Variants in IBTK observed in about 807,000 individuals in gnomAD.
The protein encoded by IBTK is BTK-binding protein.
Under a neutral mutation model 154.9 loss-of-function variants are expected in IBTK, and 83 were observed. The ratio of observed to expected loss-of-function variants is 0.54; its 90% CI spans 0.45 to 0.64. The LOEUF is 0.64. Among genes scored for constraint, IBTK ranks in the 30% least tolerant of loss-of-function variants. IBTK has a pLI of 0.00. For missense variants in IBTK, 1,332 were observed against 1,584.6 expected, an observed-to-expected ratio of 0.84 and a Z score of 2.71; for synonymous variants, 515 against 536.1, an observed-to-expected ratio of 0.96 and a Z score of 0.54.
At chr6:82,191,705 A>G in intron 24 of IBTK, 82 bp downstream of exon 24, 1 of 872,846 alleles carries the variant, frequency 1.1e-6, no homozygotes, top group Non-Finnish European at 1.9e-6. Context: ...CAGAAAAATA[A>G]TAAGAAAGAT....
At chr6:82,229,847 A>T (rs1770441610) in intron 4 of IBTK, among the ~76,000 whole-genome samples, 1 of 152,128 alleles carries the variant, frequency 6.6e-6, no homozygotes, top group Non-Finnish European at 1.5e-5. Flanking sequence ...GCCACTTTTC[A>T]TTCCTATATG....
At chr6:82,226,463 T>C (rs1770301876) in intron 5 of IBTK, among the ~76,000 whole-genome samples, 1 of 151,830 alleles carries the variant, frequency 6.6e-6, no homozygotes, top group South Asian at 2.1e-4. Flanking sequence ...TAAGTTTCAG[T>C]AGCACAAATA....
intron 26 of IBTK, among the ~76,000 whole-genome samples, chr6:82,178,909 G>C (rs1236230295): frequency 6.6e-6 from 1 of 152,236 alleles, no homozygotes; most frequent in Non-Finnish European, 1.5e-5. Flanking sequence ...CAGAGATCAG[G>C]TTACAAAATC....
Position 82,231,825 on chromosome 6 carries a change from T to C in IBTK, c.436A>G (p.Thr146Ala). Residue 146 changes from threonine to alanine, a missense_variant, in exon 4 of 29, where the codon ACT (threonine) becomes GCT (alanine). Physicochemically the swap from Thr to Ala is moderately conservative, Grantham distance 58. Transcript: ENST00000306270. ...GTAAAATTTGTATTATCGCCCCAAG[T>C]ATAAACATCTGTAGGATCTAAAATA... ...FKNTDPTDVY[T>A]WGDNTNFTLG... 6.3e-7 allele frequency: 1 copy of C among 1,582,172 alleles called. No homozygotes were observed. The highest frequency in any genetic ancestry group is 1.1e-5 in the South Asian group (1 of 87,794).
chr6:82,178,234 C>T (rs1768187272), intron 26 of IBTK, among the ~76,000 whole-genome samples: 1 of 152,138 alleles, frequency 6.6e-6, no homozygotes, highest in Admixed American at 6.6e-5. Flanking sequence ...TTGAGTCAAA[C>T]TTCCAAAGCA....
At chr6:82,204,791 C>A (rs1769335215) in intron 17 of IBTK, 66 bp downstream of exon 17, 2 of 988,394 alleles carry the variant, frequency 2.0e-6, no homozygotes, top group African/African-American at 3.4e-5. Flanking sequence ...ATCATAAAGT[C>A]AATAAAGTAC....
At chr6:82,201,630 T>C (rs889844451) in intron 18 of IBTK, 148 bp from the exon 19 acceptor site, 3 of 501,484 alleles carry the variant, frequency 6.0e-6, no homozygotes, top group Admixed American at 4.0e-5. Context: ...CAAATTCCTT[T>C]TGGAAATAGA....
rs1397693417 is a variant in IBTK, at chr6:82,218,889, T to TA, written c.1249-753dup. 1.4e-4 allele frequency among the ~76,000 whole-genome samples: 21 copies of TA among 152,350 alleles called. No individual in the cohort carries two copies. The East Asian group carries it at 3.7e-3, about 27-fold the overall frequency. On this transcript the variant is annotated intron_variant, in intron 9 of 28. Transcript: ENST00000306270. ...TTATCTGACAAGGTCGCTAAAAAGT[T>TA]ATTCACACAAAAAGACTATACTGAT...
chr6:82,216,549 A>C (rs905685214), intron 10 of IBTK, among the ~76,000 whole-genome samples: 1 of 152,192 alleles, frequency 6.6e-6, no homozygotes, highest in East Asian at 1.9e-4. Flanking sequence ...ATCTAGTGTC[A>C]TACTAGCTTT....
At chr6:82,209,427 T>C (rs1306737164) in intron 16 of IBTK, among the ~76,000 whole-genome samples, 2 of 152,220 alleles carry the variant, frequency 1.3e-5, no homozygotes, top group African/African-American at 4.8e-5. Context: ...GATAAATTTT[T>C]AAAACATCGT....
chr6:82,207,261 T>C (rs1292612131), intron 16 of IBTK, among the ~76,000 whole-genome samples: 4 of 152,130 alleles, frequency 2.6e-5, no homozygotes, highest in Non-Finnish European at 4.4e-5. Context: ...AAGATCAATA[T>C]ACAAAAATCA....
chr6:82,243,645 C>T (rs1771038687), intron 1 of IBTK, among the ~76,000 whole-genome samples: 2 of 152,188 alleles, frequency 1.3e-5, no homozygotes, highest in Admixed American at 1.3e-4. Flanking sequence ...CAGTTTCAGG[C>T]ATCCACTGGG....
At chr6:82,201,648 G>C (rs1413962492) in intron 18 of IBTK, among the ~76,000 whole-genome samples, 166 bp from the exon 19 acceptor site, 1 of 151,944 alleles carries the variant, frequency 6.6e-6, no homozygotes, top group Non-Finnish European at 1.5e-5. Flanking sequence ...AGATGTGGTT[G>C]TATATTACAT....
Position 82,212,692 on chromosome 6 carries a change from C to A in IBTK, c.2291+15G>T. ...AATCCAGACATGAAATGTTAATCTT[C>A]CTTTCCTTACTTACCATTTTTTCTG... On this transcript the variant is annotated intron_variant, in intron 13 of 28. Coordinates refer to ENST00000306270, the MANE Select transcript of IBTK (RefSeq NM_015525.4). 6.7e-7 allele frequency: 1 copy of A among 1,500,324 alleles called. No individual in the cohort carries two copies. The highest frequency in any genetic ancestry group is 9.3e-7 in the Non-Finnish European group (1 of 1,076,806). The allele number at this position is 1,500,324 out of a possible 1,614,324, so 92.9% of individuals were successfully genotyped here. A position where few individuals can be genotyped will look rare whatever the true frequency, so the allele number is the denominator to read the frequency against.
intron 6 of IBTK, 74 bp downstream of exon 6, chr6:82,225,403 T>C: frequency 1.7e-6 from 2 of 1,162,754 alleles, no homozygotes; most frequent in Non-Finnish European, 2.5e-6. Context: ...GCTCTGTCAA[T>C]AACTTACATT....
Position 82,201,410 on chromosome 6 carries a change from CAT to C in IBTK, c.2790+10_2790+11del. 6.3e-7 allele frequency: 1 copy of C among 1,598,852 alleles called. No individual in the cohort carries two copies. On this transcript the variant is annotated intron_variant, in intron 19 of 28. Coordinates refer to ENST00000306270, the MANE Select transcript of IBTK (RefSeq NM_015525.4). ...TATTATAGCCGCGAAAATCTTAAAA[CAT>C]AAACCTTACCATTTTCCGGTAAAAC...
At chr6:82,216,919 A>C (rs1187985952) in intron 10 of IBTK, among the ~76,000 whole-genome samples, 1 of 152,186 alleles carries the variant, frequency 6.6e-6, no homozygotes, top group Admixed American at 6.5e-5. Context: ...ACATGAATGA[A>C]ATGATTCTGG....
chr6:82,190,414 T>C (rs913868713), intron 25 of IBTK, among the ~76,000 whole-genome samples: 2 of 152,150 alleles, frequency 1.3e-5, no homozygotes, highest in East Asian at 1.9e-4. Context: ...TTCTCCAGTA[T>C]TGGTTTCCAG....
At chr6:82,194,446 A>G in intron 23 of IBTK, 33 bp downstream of exon 23, 1 of 1,349,806 alleles carries the variant, frequency 7.4e-7, no homozygotes, top group Non-Finnish European at 9.8e-7. Context: ...CATTTCTCAA[A>G]CTAACAGTTA....
Sources: allele counts gnomAD v4.1 joint callset (sites outside exome capture counted in the v4.1 genomes callset), GRCh38; gene constraint gnomAD v4.1.1; transcripts MANE v1.5; gene names NCBI Gene and HGNC (gene_info 2026-07-23, HGNC 2026-07-21).